The following DIAPH1 variants were observed in gnomAD, a reference collection of about 807,000 sequenced individuals.
DIAPH1 encodes the protein protein diaphanous homolog 1.
In DIAPH1, 46 loss-of-function variants were observed where a neutral mutation model predicts 140.7. The ratio of observed to expected loss-of-function variants is 0.33; its 90% CI spans 0.26 to 0.42. DIAPH1 has a LOEUF of 0.42. DIAPH1 is among the 10% of genes least tolerant of loss of function. The pLI, the probability that DIAPH1 is intolerant of heterozygous loss-of-function variation, is 1.00. For missense variants in DIAPH1, 1,310 were observed against 1,558.7 expected (o/e 0.84, Z 2.69); for synonymous variants, 565 against 551.6 (o/e 1.02, Z -0.34).
At chr5:141,580,450 TAAA>T (rs3214265) in intron 8 of DIAPH1, among the ~76,000 whole-genome samples, 3 of 147,240 alleles carry the variant, frequency 2.0e-5, no homozygotes, top group Non-Finnish European at 3.0e-5. Flanking sequence ...ACTTCTGAAT[TAAA>T]AAAAAAAAGA....
In DIAPH1 at chr5:141,516,758, C is replaced by T; in HGVS notation, c.*93G>A. 1 of 1,489,712 alleles carries T rather than the reference C, an allele frequency of 6.7e-7. No homozygotes were observed. Among genetic ancestry groups the T allele is most frequent in the Non-Finnish European group, 9.3e-7 (1 of 1,078,516 alleles). The allele number at this position is 1,489,712 out of a possible 1,614,324, so 92.3% of individuals were successfully genotyped here. On this transcript the variant is annotated 3_prime_UTR_variant, in exon 28 of 28. Coordinates refer to ENST00000389054, the MANE Select transcript of DIAPH1 (RefSeq NM_005219.5). ...GTCAGGGTGGTGGGAGTGGCCACCC[C>T]AGAGGAATATCCCCTTGAGCCTTTA...
At chr5:141,541,264 TAAAG>T (rs1263813861) in intron 18 of DIAPH1, among the ~76,000 whole-genome samples, 1 of 152,202 alleles carries the variant, frequency 6.6e-6, no homozygotes, top group Non-Finnish European at 1.5e-5. Context: ...CTCAACCTGA[TAAAG>T]AACATTTACG....
chr5:141,538,695 AGTGCTGGGATAACAGGCGTGAGCCACC>A (rs2099889469), intron 18 of DIAPH1, among the ~76,000 whole-genome samples: 2 of 152,084 alleles, frequency 1.3e-5, no homozygotes, highest in South Asian at 4.2e-4. Flanking sequence ...AGCCTCCCAA[AGTGCTGGGATAACAGGCGTGAGCCACC>A]GTGCCCAGCC....
At chr5:141,528,341 C>T in intron 23 of DIAPH1, 112 bp downstream of exon 23, 1 of 1,497,332 alleles carries the variant, frequency 6.7e-7, no homozygotes, top group Non-Finnish European at 9.2e-7. Flanking sequence ...AATCCTATCT[C>T]ATTTCCACTT....
intron 19 of DIAPH1, among the ~76,000 whole-genome samples, chr5:141,531,186 C>G (rs1259373608): frequency 6.6e-6 from 1 of 152,204 alleles, no homozygotes; most frequent in East Asian, 1.9e-4. Context: ...ACAATCTGTT[C>G]CTGCTGAATT....
intron 18 of DIAPH1, among the ~76,000 whole-genome samples, chr5:141,539,513 G>A (rs537715486): frequency 8.4e-4 from 123 of 146,444 alleles, no homozygotes; most frequent in African/African-American, 2.7e-3. Context: ...CTTGTGATCC[G>A]CCCACCTCGG....
chr5:141,575,699 G>C (rs375323160), intron 14 of DIAPH1, among the ~76,000 whole-genome samples: 2 of 152,000 alleles, frequency 1.3e-5, no homozygotes, highest in East Asian at 3.9e-4. Flanking sequence ...GGTTAAAGGA[G>C]AGGGGAATCA....
intron 18 of DIAPH1, among the ~76,000 whole-genome samples, chr5:141,553,861 T>A (rs1456740592): frequency 2.6e-5 from 4 of 152,170 alleles, no homozygotes; most frequent in African/African-American, 7.2e-5. Flanking sequence ...ACATTTTTTT[T>A]AAGACCAGTT....
rs963579651 is a variant in DIAPH1, at chr5:141,534,369, T to C, written c.2547A>G (p.Leu849=). The C allele has an allele frequency of 6.2e-6, 10 of 1,613,870 alleles. No homozygotes were observed. The Admixed American group carries it at 1.0e-4, about 16-fold the overall frequency. The change falls in exon 19 of 28, where the codon TTA becomes TTG. Residue 849 remains leucine, a synonymous_variant. Coordinates refer to ENST00000389054, the MANE Select transcript of DIAPH1 (RefSeq NM_005219.5). Reference sequence around the variant, plus strand: ...GGGCTGTCTTTGAATCCAACACCTTTAACTCTTTTACTTTTTTCTTTTGCA... The same window carrying C: ...GGGCTGTCTTTGAATCCAACACCTTCAACTCTTTTACTTTTTTCTTTTGCA... ...KSVQKKKVKE[L]KVLDSKTAQN...
intron 1 of DIAPH1, among the ~76,000 whole-genome samples, chr5:141,596,287 C>T (rs2099899311): frequency 1.3e-5 from 2 of 151,876 alleles, no homozygotes; most frequent in South Asian, 2.1e-4. Flanking sequence ...GAGCCGAGAT[C>T]GCACCACTGC....
At chr5:141,551,172 G>A (rs1321115224) in intron 18 of DIAPH1, among the ~76,000 whole-genome samples, 5 of 152,190 alleles carry the variant, frequency 3.3e-5, no homozygotes, top group African/African-American at 4.8e-5. Context: ...ACACTGGGCC[G>A]GGCTCAGTGG....
chr5:141,585,656 C>T (rs1181027549), intron 3 of DIAPH1, among the ~76,000 whole-genome samples: 2 of 151,954 alleles, frequency 1.3e-5, no homozygotes, highest in African/African-American at 2.4e-5. Flanking sequence ...AAAAATTAGC[C>T]GGGCATGGTG....
At chr5:141,571,592 A>G (rs1285805502) in intron 17 of DIAPH1, among the ~76,000 whole-genome samples, 156 bp from the exon 18 acceptor site, 1 of 152,302 alleles carries the variant, frequency 6.6e-6, no homozygotes, top group East Asian at 1.9e-4. Context: ...TTATGTACTT[A>G]GAACTGGAAA....
intron 18 of DIAPH1, among the ~76,000 whole-genome samples, chr5:141,543,638 A>AT (rs2099890333): frequency 6.6e-6 from 1 of 152,242 alleles, no homozygotes; most frequent in Non-Finnish European, 1.5e-5. Context: ...GTAAGCTAAT[A>AT]TAAGTGTCCC....
chr5:141,571,661 GCT>G (rs1336594206), intron 17 of DIAPH1, among the ~76,000 whole-genome samples: 3 of 152,104 alleles, frequency 2.0e-5, no homozygotes, highest in Admixed American at 2.0e-4. Flanking sequence ...CCCAAATCAA[GCT>G]CTGTCACTTT....
intron 27 of DIAPH1, among the ~76,000 whole-genome samples, chr5:141,518,423 A>G (rs2099886033): frequency 6.6e-6 from 1 of 152,074 alleles, no homozygotes; most frequent in South Asian, 2.1e-4. Flanking sequence ...GAGCACTCCT[A>G]AATAAAGACC....
rs1186019370 is a variant in DIAPH1 at position 141,573,699 on chromosome 5, A to C, written c.2151T>G (p.Pro717=). The change falls in exon 16 of 28, where the codon CCT becomes CCG. Residue 717 remains proline (P), a synonymous_variant. Coordinates refer to ENST00000389054, the MANE Select transcript of DIAPH1 (RefSeq NM_005219.5). ...LPGEAGMPPP[P]PPLPGGPGIP... is the part of the protein sequence containing the mutation. ...TTCCAGGACCACCAGGAAGAGGGGG[A>C]GGAGGAGGTGGCATTCCTGCTTCTC... 6.5e-7 allele frequency: 1 copy of C among 1,541,312 alleles called. No individual in the cohort carries two copies. Among genetic ancestry groups the C allele is most frequent in the Non-Finnish European group, 8.8e-7 (1 of 1,138,130 alleles).
intron 18 of DIAPH1, among the ~76,000 whole-genome samples, chr5:141,539,542 T>G (rs557668820): frequency 6.6e-6 from 1 of 151,516 alleles, no homozygotes; most frequent in East Asian, 2.0e-4. Flanking sequence ...AGTGCTGGGA[T>G]TACAGGCGTG....
intron 19 of DIAPH1, among the ~76,000 whole-genome samples, chr5:141,532,173 T>A (rs2099888328): frequency 1.3e-5 from 2 of 152,064 alleles, no homozygotes; most frequent in African/African-American, 4.8e-5. Flanking sequence ...TTCACTTAAT[T>A]TTTTGGTTTT....
Sources: gnomAD v4.1 joint callset for allele counts (sites outside exome capture counted in the v4.1 genomes callset) on GRCh38, gnomAD v4.1.1 for gene constraint, MANE v1.5 for transcripts, NCBI Gene and HGNC (gene_info 2026-07-23, HGNC 2026-07-21) for gene names.